Variants in CDKN3 observed in about 807,000 individuals in gnomAD.
CDKN3 encodes the protein cyclin-dependent kinase inhibitor 3.
In CDKN3, 19 loss-of-function variants were observed where a neutral mutation model predicts 36.1. The observed-to-expected ratio is 0.53, with a 90% CI of 0.37 to 0.77. CDKN3 has a LOEUF of 0.77. CDKN3 is among the 30% of genes least tolerant of loss of function. The pLI is 0.00. For missense variants in CDKN3, 188 were observed against 248.6 expected, an observed-to-expected ratio of 0.76 and a Z score of 1.64; for synonymous variants, 71 against 85.3, an observed-to-expected ratio of 0.83 and a Z score of 0.92.
chr14:54,412,116 C>T (rs952587896), intron 5 of CDKN3, among the ~76,000 whole-genome samples: 2 of 152,278 alleles, frequency 1.3e-5, no homozygotes, highest in African/African-American at 4.8e-5. Context: ...TGCAGTGGCT[C>T]GCGCCTGTAA....
At chr14:54,398,815 G>A (rs1886391655) in intron 1 of CDKN3, among the ~76,000 whole-genome samples, 1 of 152,024 alleles carries the variant, frequency 6.6e-6, no homozygotes, top group Admixed American at 6.6e-5. Context: ...TTGGAGGCAG[G>A]TTATTTCACC....
At chr14:54,405,153 A>G (rs1446740185) in intron 3 of CDKN3, among the ~76,000 whole-genome samples, 2 of 152,064 alleles carry the variant, frequency 1.3e-5, no homozygotes, top group Non-Finnish European at 2.9e-5. Context: ...TGCAGTTTTG[A>G]GTGAGTTTTT....
At chr14:54,408,638 AATG>A in intron 3 of CDKN3, 104 bp from the exon 4 acceptor site, 1 of 1,161,374 alleles carries the variant, frequency 8.6e-7, no homozygotes, top group South Asian at 1.6e-5. Context: ...GAAACATATA[AATG>A]ATTACGTGAA....
In CDKN3 at chr14:54,417,900, C is replaced by T. The variant is rs943702723; in HGVS notation, c.501C>T (p.Ala167=). The change falls in exon 7 of 8, where the codon GCC becomes GCT. Residue 167 remains alanine, a synonymous_variant. Coordinates refer to ENST00000335183, the MANE Select transcript of CDKN3 (RefSeq NM_005192.4). ...CTGACACAATATCACCAGAGCAAGC[C>T]ATAGACAGCCTGCGAGACCTAAGAG... ...YLSDTISPEQ[A]IDSLRDLRGS... 6.3e-7 allele frequency: 1 copy of T among 1,599,998 alleles called. No homozygotes were observed.
At chr14:54,418,739 A>G (rs1372805692) in intron 7 of CDKN3, among the ~76,000 whole-genome samples, 2 of 152,130 alleles carry the variant, frequency 1.3e-5, no homozygotes, top group Admixed American at 6.5e-5. Context: ...GTGAATTATC[A>G]TAATTACTGA....
chr14:54,412,956 C>T (rs2030411982), intron 5 of CDKN3: 1 of 476,598 alleles, frequency 2.1e-6, no homozygotes, highest in African/African-American at 2.0e-5. Flanking sequence ...GGCACCTAGT[C>T]ATAGGACAAG....
intron 1 of CDKN3, among the ~76,000 whole-genome samples, chr14:54,397,310 T>C (rs1886335400): frequency 6.6e-6 from 1 of 152,246 alleles, no homozygotes; most frequent in Non-Finnish European, 1.5e-5. Flanking sequence ...GCACCTGCTG[T>C]GGGCTGTCAC....
At chr14:54,399,471 C>T (rs1428533746) in intron 1 of CDKN3, among the ~76,000 whole-genome samples, 2 of 152,180 alleles carry the variant, frequency 1.3e-5, no homozygotes, top group African/African-American at 2.4e-5. Flanking sequence ...GTCTCTCCAG[C>T]CATACTGAAG....
chr14:54,413,714 C>G, intron 5 of CDKN3: 1 of 1,532,832 alleles, frequency 6.5e-7, no homozygotes, highest in Non-Finnish European at 8.7e-7. Context: ...GCAACAGGAT[C>G]TGGTAAACCT....
chr14:54,419,979 T>C lies in CDKN3; in HGVS notation c.553-13T>C. 6.5e-7 allele frequency: 1 copy of C among 1,530,904 alleles called. No homozygotes were observed. Among genetic ancestry groups the C allele is most frequent in the Non-Finnish European group, 9.1e-7 (1 of 1,104,736 alleles). 94.8% of individuals were successfully genotyped at this position (1,530,904 alleles called of 1,614,324 possible). A position where few individuals can be genotyped will look rare whatever the true frequency, so the allele number is the denominator to read the frequency against. Reference sequence around the variant, plus strand: ...TTCTACAGTGTATTCCAATGTATCTTTACTTTTTTCAGCAATACAATTATC... The same window carrying C: ...TTCTACAGTGTATTCCAATGTATCTCTACTTTTTTCAGCAATACAATTATC... On this transcript the variant is annotated splice_polypyrimidine_tract_variant and intron_variant, in intron 7 of 7. Coordinates refer to ENST00000335183, the MANE Select transcript of CDKN3 (RefSeq NM_005192.4).
At chr14:54,414,910 A>G (rs2300425) in intron 5 of CDKN3, among the ~76,000 whole-genome samples, 6,994 of 152,174 alleles carry the variant, frequency 0.046, 382 homozygotes, top group East Asian at 0.27. Context: ...CACTTTGTGG[A>G]AAGCAAGTTC....
intron 2 of CDKN3, 140 bp downstream of exon 2, chr14:54,400,116 T>C (rs1316658059): frequency 4.9e-6 from 3 of 615,214 alleles, no homozygotes; most frequent in Non-Finnish European, 8.8e-6. Context: ...GATTATATAA[T>C]TCTAATCATT....
intron 5 of CDKN3, chr14:54,411,948 G>A (rs569292668): frequency 1.8e-6 from 1 of 565,626 alleles, no homozygotes; most frequent in Middle Eastern, 4.7e-4. Context: ...TTAGAACAAG[G>A]TTACAAGCTT....
At chr14:54,406,640 T>C (rs1399879990) in intron 3 of CDKN3, among the ~76,000 whole-genome samples, 1 of 151,944 alleles carries the variant, frequency 6.6e-6, no homozygotes, top group Admixed American at 6.6e-5. Context: ...CAGCTATTGA[T>C]ACTTGTGTAT....
chr14:54,403,232 G>A (rs2030028813), intron 3 of CDKN3, among the ~76,000 whole-genome samples: 1 of 152,142 alleles, frequency 6.6e-6, no homozygotes, highest in Non-Finnish European at 1.5e-5. Flanking sequence ...TCCTTGAGCA[G>A]TGGTTTGTAG....
intron 6 of CDKN3, 58 bp downstream of exon 6, chr14:54,415,988 A>G (rs2030528844): frequency 3.3e-6 from 4 of 1,206,424 alleles, no homozygotes; most frequent in Non-Finnish European, 4.9e-6. Flanking sequence ...TTCTGTTTCC[A>G]GACCATATGT....
intron 6 of CDKN3, among the ~76,000 whole-genome samples, chr14:54,417,520 G>A (rs2030590607): frequency 6.6e-6 from 1 of 152,184 alleles, no homozygotes; most frequent in Non-Finnish European, 1.5e-5. Context: ...GACAGCAAAA[G>A]GGTACACTTC....
intron 1 of CDKN3, among the ~76,000 whole-genome samples, 193 bp downstream of exon 1, chr14:54,397,270 G>A (rs1403616029): frequency 6.6e-6 from 1 of 152,276 alleles, no homozygotes; most frequent in Non-Finnish European, 1.5e-5. Flanking sequence ...AGGGTCGGTG[G>A]CCGACGAAGG....
intron 7 of CDKN3, among the ~76,000 whole-genome samples, chr14:54,418,828 G>C (rs764690716): frequency 6.6e-6 from 1 of 151,810 alleles, no homozygotes; most frequent in Non-Finnish European, 1.5e-5. Flanking sequence ...CCACTCCACT[G>C]TACAGGTCTG....
Sources: allele counts gnomAD v4.1 joint callset (sites outside exome capture counted in the v4.1 genomes callset), GRCh38; gene constraint gnomAD v4.1.1; transcripts MANE v1.5; gene names NCBI Gene and HGNC (gene_info 2026-07-23, HGNC 2026-07-21).